Variants in TMTC1 observed in about 807,000 individuals in gnomAD.
TMTC1 encodes the protein protein O-mannosyl-transferase TMTC1.
A neutral mutation model predicts 104.8 loss-of-function variants in TMTC1; 73 were observed. The observed-to-expected ratio is 0.70, with a 90% CI of 0.58 to 0.85. The LOEUF is 0.85. Among genes scored for constraint, TMTC1 ranks in the 40% least tolerant of loss-of-function variants. TMTC1 has a pLI of 0.00. For synonymous variants in TMTC1, 434 were observed against 428.7 expected, an observed-to-expected ratio of 1.01 and a Z score of -0.15; for missense variants, 1,035 against 1,096.1, an observed-to-expected ratio of 0.94 and a Z score of 0.79.
At chr12:29,730,363 G>A (rs1330044310) in intron 5 of TMTC1, among the ~76,000 whole-genome samples, 2 of 152,150 alleles carry the variant, frequency 1.3e-5, no homozygotes, top group African/African-American at 4.8e-5. Flanking sequence ...TTCTTAGGAG[G>A]CAAACAGGTT....
At chr12:29,713,338 CACAG>C (rs1261375631) in intron 5 of TMTC1, among the ~76,000 whole-genome samples, 42 of 131,358 alleles carry the variant, frequency 3.2e-4, no homozygotes, top group Middle Eastern at 3.5e-3. Context: ...CACACACACA[CACAG>C]GGAGAGAGAG....
chr12:29,753,658 C>CT (rs1426660461), intron 4 of TMTC1, among the ~76,000 whole-genome samples: 1 of 152,224 alleles, frequency 6.6e-6, no homozygotes, highest in African/African-American at 2.4e-5. Flanking sequence ...CTTCCTACCA[C>CT]TTTTTACAAC....
chr12:29,691,474 T>TA, intron 5 of TMTC1, among the ~76,000 whole-genome samples: 1 of 109,026 alleles, frequency 9.2e-6, no homozygotes, highest in Non-Finnish European at 2.0e-5. Flanking sequence ...CAGCTGGCTC[T>TA]GTGTGAATTA....
At chr12:29,677,849 A>G (rs1409067779) in intron 5 of TMTC1, among the ~76,000 whole-genome samples, 3 of 152,240 alleles carry the variant, frequency 2.0e-5, no homozygotes, top group Admixed American at 1.3e-4. Context: ...AAAAGCAGCG[A>G]TGCTGCCATA....
chr12:29,664,553 A>G (rs1260741486), intron 5 of TMTC1, among the ~76,000 whole-genome samples: 1 of 152,206 alleles, frequency 6.6e-6, no homozygotes, highest in East Asian at 1.9e-4. Flanking sequence ...CCAAATAACA[A>G]CACTCAATAA....
At chr12:29,717,334 G>A (rs2136867149) in intron 5 of TMTC1, among the ~76,000 whole-genome samples, 1 of 152,202 alleles carries the variant, frequency 6.6e-6, no homozygotes, top group Admixed American at 6.5e-5. Context: ...GCACTGCCCT[G>A]GACTATAAGA....
chr12:29,645,519 TAGAG>T (rs1939228683), intron 5 of TMTC1, among the ~76,000 whole-genome samples: 2 of 152,218 alleles, frequency 1.3e-5, no homozygotes, highest in Admixed American at 6.5e-5. Context: ...ATCTTATTAA[TAGAG>T]AGCTTCATCA....
chr12:29,576,525 G>A (rs1264947625), intron 8 of TMTC1, among the ~76,000 whole-genome samples: 3 of 152,120 alleles, frequency 2.0e-5, no homozygotes, highest in Non-Finnish European at 2.9e-5. Flanking sequence ...AAAGCCAGAC[G>A]CAGAAAGAAA....
At chr12:29,585,817 T>TAAA (rs1946118792) in intron 7 of TMTC1, among the ~76,000 whole-genome samples, 1 of 152,234 alleles carries the variant, frequency 6.6e-6, no homozygotes, top group African/African-American at 2.4e-5. Flanking sequence ...TTGGTACCAG[T>TAAA]ACAATGCTGT....
intron 7 of TMTC1, among the ~76,000 whole-genome samples, chr12:29,595,663 G>T (rs1345286601): frequency 3.3e-5 from 5 of 152,198 alleles, no homozygotes; most frequent in Admixed American, 3.3e-4. Flanking sequence ...GAGCAGTTCA[G>T]GAGGGCACAG....
At chr12:29,522,297 C>T (rs368961924) in intron 11 of TMTC1, among the ~76,000 whole-genome samples, 1 of 152,122 alleles carries the variant, frequency 6.6e-6, no homozygotes, top group African/African-American at 2.4e-5. Context: ...ATACTTTACA[C>T]TCTGTAGAAT....
intron 14 of TMTC1, among the ~76,000 whole-genome samples, chr12:29,516,817 G>C (rs941160225): frequency 6.6e-6 from 1 of 152,148 alleles, no homozygotes; most frequent in African/African-American, 2.4e-5. Flanking sequence ...TTTACAGCAA[G>C]ATAACAAATT....
intron 5 of TMTC1, among the ~76,000 whole-genome samples, chr12:29,646,529 A>T (rs545744927): frequency 2.6e-5 from 4 of 152,292 alleles, no homozygotes; most frequent in African/African-American, 4.8e-5. Context: ...AGTGATCCAG[A>T]TCTGCATTTT....
At chr12:29,671,173 G>A (rs1047926544) in intron 5 of TMTC1, among the ~76,000 whole-genome samples, 3 of 151,078 alleles carry the variant, frequency 2.0e-5, no homozygotes, top group Non-Finnish European at 4.4e-5. Context: ...GCATGTGCCT[G>A]TAATCCCAGC....
chr12:29,651,228 C>T (rs907861645), intron 5 of TMTC1, among the ~76,000 whole-genome samples: 1 of 151,992 alleles, frequency 6.6e-6, no homozygotes, highest in African/African-American at 2.4e-5. Flanking sequence ...AATACTGTGG[C>T]TGTATATTTT....
intron 6 of TMTC1, among the ~76,000 whole-genome samples, chr12:29,607,872 T>A (rs1469196869): frequency 6.6e-6 from 1 of 152,228 alleles, no homozygotes; most frequent in Non-Finnish European, 1.5e-5. Context: ...TTGGGCGTTG[T>A]GAGCTATGAG....
chr12:29,671,336 G>A (rs111647343), intron 5 of TMTC1, among the ~76,000 whole-genome samples: 2 of 86,930 alleles, frequency 2.3e-5, no homozygotes, highest in Admixed American at 1.4e-4. Flanking sequence ...ATAAATAAAA[G>A]AAATAAACAA....
intron 7 of TMTC1, among the ~76,000 whole-genome samples, chr12:29,597,193 CT>C (rs780984358): frequency 3.4e-5 from 5 of 148,652 alleles, no homozygotes; most frequent in Non-Finnish European, 5.9e-5. Context: ...TCCATGTGAA[CT>C]TTTTTTTTCT....
intron 6 of TMTC1, among the ~76,000 whole-genome samples, chr12:29,618,628 T>TTTATAGG (rs1947051402): frequency 2.6e-5 from 4 of 152,028 alleles, no homozygotes; most frequent in African/African-American, 9.7e-5. Context: ...CTTTATAGGC[T>TTTATAGG]CCTTGGGCAC....
Sources: gnomAD v4.1 joint callset for allele counts (sites outside exome capture counted in the v4.1 genomes callset) on GRCh38, gnomAD v4.1.1 for gene constraint, MANE v1.5 for transcripts, NCBI Gene and HGNC (gene_info 2026-07-23, HGNC 2026-07-21) for gene names.